The following LAMA2 variants were observed in gnomAD, a reference collection of about 807,000 sequenced individuals.
The protein encoded by LAMA2 is laminin subunit alpha-2.
In LAMA2, 269 loss-of-function variants were observed where a neutral mutation model predicts 364.8. The observed-to-expected ratio is 0.74, with a 90% CI of 0.67 to 0.82. The LOEUF (loss-of-function observed/expected upper bound fraction) is 0.82. Ranked by LOEUF, LAMA2 falls within the 40% of genes least tolerant of loss-of-function variation. LAMA2 has a pLI of 0.00. For missense variants in LAMA2, 3,807 were observed against 3,873.2 expected (o/e 0.98, Z 0.45); for synonymous variants, 1,379 against 1,370.6 (o/e 1.01, Z -0.14).
chr6:129,280,915 C>T (rs971544437), intron 18 of LAMA2, among the ~76,000 whole-genome samples: 3 of 152,142 alleles, frequency 2.0e-5, no homozygotes, highest in Non-Finnish European at 2.9e-5. Flanking sequence ...CCTACTTTCA[C>T]TCATCATCAC....
Position 129,270,423 on chromosome 6 carries a change from T to C in LAMA2, c.2323-201T>C, listed in dbSNP as rs73585539. Among the ~76,000 whole-genome samples the C allele has an allele frequency of 0.016, 2,372 of 152,268 alleles. 59 individuals carry two copies. Among genetic ancestry groups the C allele is most frequent in the African/African-American group, 0.054 (2,237 of 41,560 alleles). On this transcript the variant is annotated intron_variant, in intron 16 of 64. Coordinates refer to ENST00000421865, the MANE Select transcript of LAMA2 (RefSeq NM_000426.4). Reference sequence around the variant, plus strand: ...AATCATCTTTTTGTAAGTATGCATATGCTGAAACTACTGTGTTGTTTATAA... The same window carrying C: ...AATCATCTTTTTGTAAGTATGCATACGCTGAAACTACTGTGTTGTTTATAA...
chr6:128,907,518 C>A (rs1247178372), intron 1 of LAMA2, among the ~76,000 whole-genome samples: 1 of 152,202 alleles, frequency 6.6e-6, no homozygotes, highest in East Asian at 1.9e-4. Context: ...TGCTTATCAG[C>A]TTAAGGAGAT....
chr6:129,473,336 A>C lies in LAMA2; in HGVS notation c.7423A>C (p.Thr2475Pro). The C allele has an allele frequency of 2.5e-6, 4 of 1,612,478 alleles. No individual in the cohort carries two copies. Among genetic ancestry groups the C allele is most frequent in the Non-Finnish European group, 3.4e-6 (4 of 1,178,902 alleles). ...CAAAATATATTTTGGTGGCCTGCCAACGCTGAGAAACTTGAGGTAATTTAG... is the reference window on the plus strand; with the variant it reads ...CAAAATATATTTTGGTGGCCTGCCACCGCTGAGAAACTTGAGGTAATTTAG... ...DDKIYFGGLP[T>P]LRNLSMKARP... The change falls in exon 52 of 65, where the codon ACG (threonine) becomes CCG (proline). Residue 2475 changes from threonine (T) to proline (P), a missense_variant. Coordinates refer to ENST00000421865, the MANE Select transcript of LAMA2 (RefSeq NM_000426.4).
chr6:128,895,761 T>C (rs1776736140), intron 1 of LAMA2, among the ~76,000 whole-genome samples: 1 of 152,170 alleles, frequency 6.6e-6, no homozygotes, highest in Non-Finnish European at 1.5e-5. Flanking sequence ...GGAGGGGTCC[T>C]TTGTTCTTTT....
intron 1 of LAMA2, among the ~76,000 whole-genome samples, chr6:128,923,859 G>T (rs1778912271): frequency 6.6e-6 from 1 of 152,118 alleles, no homozygotes; most frequent in East Asian, 1.9e-4. Context: ...CGCTTATGAT[G>T]TTTCCAACTC....
At chr6:128,953,268 G>A (rs760875329) in intron 1 of LAMA2, among the ~76,000 whole-genome samples, 10 of 152,092 alleles carry the variant, frequency 6.6e-5, no homozygotes, top group South Asian at 2.1e-4. Flanking sequence ...GTTTCCTGGC[G>A]TTACTTTAAT....
chr6:129,375,561 C>T (rs1048562118), intron 34 of LAMA2, among the ~76,000 whole-genome samples: 1 of 152,074 alleles, frequency 6.6e-6, no homozygotes, highest in African/African-American at 2.4e-5. Context: ...TTGATCTTTC[C>T]TTCCTTCTTA....
intron 62 of LAMA2, 135 bp downstream of exon 62, chr6:129,507,777 A>G: frequency 2.3e-6 from 2 of 874,422 alleles, no homozygotes; most frequent in Non-Finnish European, 3.7e-6. Context: ...AACTTATGGA[A>G]GTAATTTCAA....
intron 51 of LAMA2, among the ~76,000 whole-genome samples, chr6:129,471,980 A>C (rs369464360): frequency 2.9e-4 from 44 of 152,106 alleles, no homozygotes; most frequent in African/African-American, 9.9e-4. Context: ...CTGTTTTCCA[A>C]AGAACACTGA....
chr6:129,315,039 G>A (rs1774490506), intron 24 of LAMA2, among the ~76,000 whole-genome samples: 1 of 152,116 alleles, frequency 6.6e-6, no homozygotes, highest in Non-Finnish European at 1.5e-5. Flanking sequence ...TGAAAAAGAG[G>A]AACCTTGTCC....
chr6:129,081,279 A>G (rs560153059), intron 3 of LAMA2, among the ~76,000 whole-genome samples: 1 of 152,060 alleles, frequency 6.6e-6, no homozygotes, highest in Non-Finnish European at 1.5e-5. Flanking sequence ...GCATTAGGAG[A>G]TACACCTAAT....
intron 8 of LAMA2, among the ~76,000 whole-genome samples, chr6:129,160,388 A>G (rs1486184517): frequency 6.6e-6 from 1 of 152,086 alleles, no homozygotes; most frequent in Non-Finnish European, 1.5e-5. Flanking sequence ...TGGCAGTTTT[A>G]AAAATTGCCT....
chr6:129,172,073 C>T (rs1780199783), intron 9 of LAMA2, among the ~76,000 whole-genome samples: 3 of 147,088 alleles, frequency 2.0e-5, no homozygotes, highest in Admixed American at 1.4e-4. Context: ...GTTATACATT[C>T]TTCTACATTT....
intron 22 of LAMA2, 68 bp from the exon 23 acceptor site, chr6:129,312,793 A>C (rs1774309841): frequency 9.5e-7 from 1 of 1,057,620 alleles, no homozygotes; most frequent in Non-Finnish European, 1.5e-6. Flanking sequence ...TAGAAACATT[A>C]GAATTAAAAT....
chr6:129,260,579 G>A, intron 14 of LAMA2, 132 bp from the exon 15 acceptor site: 1 of 733,604 alleles, frequency 1.4e-6, no homozygotes, highest in East Asian at 2.6e-5. Flanking sequence ...TTTTGGTTAT[G>A]GTATTCATCA....
In LAMA2 at chr6:129,264,384, G is replaced by GT. The variant is rs1352603158; in HGVS notation, c.2209-2721dup. ...CTGAGCTGAGGAATAGTTGGTGTGT[G>GT]TGGGGGGGTGGGGGCATGGAATCCA... On this transcript the variant is annotated intron_variant, in intron 15 of 64. Coordinates refer to ENST00000421865, the MANE Select transcript of LAMA2 (RefSeq NM_000426.4). Among the ~76,000 whole-genome samples the GT allele has an allele frequency of 2.6e-5, 4 of 151,868 alleles. No individual in the cohort carries two copies. The East Asian group carries it at 5.8e-4, about 22-fold the overall frequency.
intron 2 of LAMA2, among the ~76,000 whole-genome samples, chr6:129,051,193 AAT>A (rs66964687): frequency 0.21 from 30,380 of 147,570 alleles, 4,346 homozygotes; most frequent in African/African-American, 0.4. Context: ...GTATATATAT[AAT>A]ATATATATAA....
intron 3 of LAMA2, among the ~76,000 whole-genome samples, chr6:129,077,764 A>T (rs1295379241): frequency 6.6e-6 from 1 of 152,232 alleles, no homozygotes; most frequent in African/African-American, 2.4e-5. Context: ...TATGTCAGAA[A>T]GATTCTTTTT....
chr6:129,245,282 A>T (rs1163057208), intron 12 of LAMA2, among the ~76,000 whole-genome samples: 1 of 152,148 alleles, frequency 6.6e-6, no homozygotes, highest in African/African-American at 2.4e-5. Flanking sequence ...AGTCGAATCC[A>T]TCCAGTAATA....
Sources: gnomAD v4.1 joint callset for allele counts (sites outside exome capture counted in the v4.1 genomes callset) on GRCh38, gnomAD v4.1.1 for gene constraint, MANE v1.5 for transcripts, NCBI Gene and HGNC (gene_info 2026-07-23, HGNC 2026-07-21) for gene names.